CUX1: variants seen among roughly 807,000 people sequenced by gnomAD.
CUX1 encodes cut like homeobox 1.
In CUX1, 31 loss-of-function variants were observed where a neutral mutation model predicts 158.8. The ratio of observed to expected loss-of-function variants is 0.20; its 90% confidence interval spans 0.15 to 0.26. CUX1 has a LOEUF of 0.26. Among genes scored for constraint, CUX1 ranks in the 10% least tolerant of loss-of-function variants. The pLI is 1.00. For missense variants in CUX1, 1,589 were observed against 2,014.6 expected, an observed-to-expected ratio of 0.79 and a Z score of 4.04; for synonymous variants, 879 against 862.1, an observed-to-expected ratio of 1.02 and a Z score of -0.34.
intron 8 of CUX1, among the ~76,000 whole-genome samples, chr7:102,126,002 C>G (rs1832596385): frequency 6.6e-6 from 1 of 151,468 alleles, no homozygotes; most frequent in African/African-American, 2.4e-5. Flanking sequence ...ATTATTTTCC[C>G]TTTTTTATGT....
rs765447453 is a variant in CUX1, at chr7:101,934,606, C to T, written c.141+18381C>T. Among the ~76,000 whole-genome samples, 6 of 152,120 alleles carry T rather than the reference C, an allele frequency of 3.9e-5. 1 individual carries two copies. The highest frequency in any genetic ancestry group is 4.1e-4 in the South Asian group (2 of 4,830). On this transcript the variant is annotated intron_variant, in intron 2 of 23. Coordinates refer to ENST00000292535, the MANE Select transcript of CUX1 (RefSeq NM_181552.4). Reference sequence around the variant, plus strand: ...AAAGGGTTTTGCAGCTTTTGGTAGACGAGAAACACATTTTATGGCTCTTCA... The same window carrying T: ...AAAGGGTTTTGCAGCTTTTGGTAGATGAGAAACACATTTTATGGCTCTTCA...
chr7:101,968,383 T>C (rs1811485772), intron 2 of CUX1, among the ~76,000 whole-genome samples: 1 of 152,104 alleles, frequency 6.6e-6, no homozygotes, highest in Non-Finnish European at 1.5e-5. Flanking sequence ...TTAAAGTGTC[T>C]GGGAGTCCCA....
intron 8 of CUX1, among the ~76,000 whole-genome samples, chr7:102,119,465 G>A (rs1409386068): frequency 6.6e-6 from 1 of 152,228 alleles, no homozygotes; most frequent in Non-Finnish European, 1.5e-5. Flanking sequence ...TAGCCTTTAT[G>A]TGCAGAACAA....
At chr7:101,864,164 GTT>G (rs562858199) in intron 1 of CUX1, among the ~76,000 whole-genome samples, 7 of 142,624 alleles carry the variant, frequency 4.9e-5, no homozygotes, top group Admixed American at 7.1e-5. Context: ...TTTCTGGATT[GTT>G]TTTTTTTTTT....
chr7:101,964,111 G>A (rs1217068534), intron 2 of CUX1, among the ~76,000 whole-genome samples: 1 of 152,110 alleles, frequency 6.6e-6, no homozygotes, highest in Non-Finnish European at 1.5e-5. Context: ...CAGTGCTTTG[G>A]GAGGCCGAGG....
rs182106055 is a variant in CUX1 at position 101,995,155 on chromosome 7, T to C, written c.142-32943T>C. The stretch of plus-strand genomic sequence containing the variant: ...TCAGAAACCTGGCTGGGGGTGATTG[T>C]GGGGAACTGCTGCTGACGGGCTCTT... On this transcript the variant is annotated intron_variant, in intron 2 of 23. Coordinates refer to ENST00000292535, the MANE Select transcript of CUX1 (RefSeq NM_181552.4). Among the ~76,000 whole-genome samples the C allele has an allele frequency of 3.1e-3, 473 of 152,138 alleles. 5 individuals carry two copies. The highest frequency in any genetic ancestry group is 0.015 in the South Asian group (72 of 4,808).
chr7:102,159,515 C>A (rs1790180350), intron 9 of CUX1, among the ~76,000 whole-genome samples: 1 of 152,206 alleles, frequency 6.6e-6, no homozygotes, highest in African/African-American at 2.4e-5. Context: ...CAGGAGCCCA[C>A]AGAACAGGAA....
intron 19 of CUX1, chr7:102,280,233 C>T: frequency 1.5e-6 from 1 of 678,576 alleles, no homozygotes; most frequent in South Asian, 1.7e-5. Flanking sequence ...CCTGGCTCCC[C>T]TCCACCTGCC....
chr7:102,181,554 A>G (rs1437879138), intron 11 of CUX1, among the ~76,000 whole-genome samples: 1 of 152,224 alleles, frequency 6.6e-6, no homozygotes, highest in Non-Finnish European at 1.5e-5. Flanking sequence ...TTGCAAATTA[A>G]TGTTCGTTAT....
chr7:101,833,225 A>AC (rs900374967), intron 1 of CUX1, among the ~76,000 whole-genome samples: 1 of 149,308 alleles, frequency 6.7e-6, no homozygotes, highest in Non-Finnish European at 1.5e-5. Context: ...GCACAGTGAG[A>AC]CCCCATCTCT....
intron 2 of CUX1, among the ~76,000 whole-genome samples, chr7:101,925,184 C>T (rs1805444883): frequency 1.3e-5 from 2 of 152,166 alleles, no homozygotes; most frequent in Admixed American, 6.5e-5. Flanking sequence ...TCTCGGCTCA[C>T]TGAAACCTCT....
chr7:101,817,821 CTG>C lies in CUX1; in HGVS notation c.30+153_30+154del. The stretch of plus-strand genomic sequence containing the variant: ...AGGGTTCCTCAGGGCCCCTGGGGAA[CTG>C]CAGCTACTCCCAACTGCTAAGGTGT... On this transcript the variant is annotated intron_variant, in intron 1 of 23. Transcript: ENST00000292535. This position sits in a 1 kb window ranked among gnomAD's most constrained non-coding sequence, Gnocchi z 4.1. 2 of 884,968 alleles carry C rather than the reference CTG, an allele frequency of 2.3e-6. No individual in the cohort carries two copies. Among genetic ancestry groups the C allele is most frequent in the Non-Finnish European group, 3.3e-6 (2 of 605,926 alleles). 54.8% of individuals were successfully genotyped at this position (884,968 alleles called of 1,614,324 possible). A position where few individuals can be genotyped will look rare whatever the true frequency, so the allele number is the denominator to read the frequency against.
chr7:102,192,312 T>C (rs1262414298), intron 12 of CUX1, among the ~76,000 whole-genome samples: 1 of 152,186 alleles, frequency 6.6e-6, no homozygotes, highest in Non-Finnish European at 1.5e-5. Flanking sequence ...GCTGGGGTCC[T>C]CACAAGTTCT....
At chr7:101,821,858 T>TG (rs1792659418) in intron 1 of CUX1, among the ~76,000 whole-genome samples, 1 of 104,038 alleles carries the variant, frequency 9.6e-6, no homozygotes, top group Non-Finnish European at 2.1e-5. Flanking sequence ...TGTTTTTTTG[T>TG]TTTTTTTTTT....
exon 23 of CUX1, chr7:102,283,504 G>C (rs1031751149): frequency 6.3e-5 from 12 of 191,340 alleles, no homozygotes; most frequent in Non-Finnish European, 1.3e-4. Flanking sequence ...ATCCCCCCAT[G>C]CCCCGTAAGA....
At position 102,196,840 on chromosome 7, in the gene CUX1, A is replaced by G. The variant is rs1554518494; in HGVS notation, c.1429A>G (p.Lys477Glu). The change falls in exon 15 of 24, where the codon AAA becomes GAA. Residue 477 changes from lysine to glutamate, a missense_variant. Coordinates refer to ENST00000292535, the MANE Select transcript of CUX1 (RefSeq NM_181552.4). Reference sequence around the variant, plus strand: ...CAGCCTACCCCTGGCTTCTACAGGAAAATTTGCACTAAACTCTCTTCTCCA... The same window carrying G: ...CAGCCTACCCCTGGCTTCTACAGGAGAATTTGCACTAAACTCTCTTCTCCA... Reference protein sequence around the residue: ...SPSLPLASTGKFALNSLLQRQ... With the variant: ...SPSLPLASTGEFALNSLLQRQ... 6 of 1,614,182 alleles carry G rather than the reference A, an allele frequency of 3.7e-6. No homozygotes were observed. Among genetic ancestry groups the G allele is most frequent in the Non-Finnish European group, 5.1e-6 (6 of 1,180,052 alleles).
At chr7:101,946,215 T>G (rs1364785806) in intron 2 of CUX1, among the ~76,000 whole-genome samples, 1 of 151,480 alleles carries the variant, frequency 6.6e-6, no homozygotes, top group African/African-American at 2.4e-5. Flanking sequence ...AAGAGAAGGG[T>G]TTCCAGCAGG....
chr7:101,862,274 G>C (rs1305568552), intron 1 of CUX1, among the ~76,000 whole-genome samples: 1 of 152,066 alleles, frequency 6.6e-6, no homozygotes. Context: ...TGTTGGTCTC[G>C]GGGGTGTGTG....
intron 3 of CUX1, among the ~76,000 whole-genome samples, chr7:102,034,145 C>CG: frequency 2.1e-5 from 1 of 48,624 alleles, no homozygotes; most frequent in South Asian, 1.0e-3. Context: ...GACTCCATCT[C>CG]AAAAAAAAAA....
Sources: allele counts gnomAD v4.1 joint callset (sites outside exome capture counted in the v4.1 genomes callset), GRCh38; gene constraint gnomAD v4.1.1; non-coding constraint Gnocchi (gnomAD v3.1); transcripts MANE v1.5; gene names NCBI Gene and HGNC (gene_info 2026-07-23, HGNC 2026-07-21).